Variants in DOCK6 observed in about 807,000 individuals in gnomAD.
DOCK6 encodes dedicator of cytokinesis 6.
Under a neutral mutation model 230.3 loss-of-function variants are expected in DOCK6, and 167 were observed. The observed-to-expected ratio is 0.73, with a 90% CI of 0.64 to 0.82. DOCK6 has a LOEUF of 0.82. Among genes scored for constraint, DOCK6 ranks in the 40% least tolerant of loss-of-function variants. The pLI is 0.00. For missense variants in DOCK6, 2,598 were observed against 2,825.8 expected (o/e 0.92, Z 1.83); for synonymous variants, 1,148 against 1,185.0 (o/e 0.97, Z 0.64).
chr19:11,252,020 C>T, intron 5 of DOCK6, 99 bp downstream of exon 5: 1 of 1,531,696 alleles, frequency 6.5e-7, no homozygotes, highest in Non-Finnish European at 8.8e-7. Flanking sequence ...CTTTTGAGCT[C>T]AAGGCTGTTT....
chr19:11,207,773 A>G (rs766564087), intron 39 of DOCK6, among the ~76,000 whole-genome samples: 2 of 151,752 alleles, frequency 1.3e-5, no homozygotes, highest in African/African-American at 4.8e-5. Context: ...ACAAAAAAAT[A>G]CAAAAAATTA....
intron 9 of DOCK6, 141 bp from the exon 10 acceptor site, chr19:11,244,023 G>T: frequency 1.1e-6 from 1 of 881,900 alleles, no homozygotes; most frequent in African/African-American, 1.7e-5. Context: ...ACCTCCCATG[G>T]CTCCCGCTGT....
In DOCK6 at chr19:11,250,888, G is replaced by A; in HGVS notation, c.706C>T (p.Pro236Ser). The A allele has an allele frequency of 6.2e-7, 1 of 1,600,012 alleles. No individual in the cohort carries two copies. The highest frequency in any genetic ancestry group is 2.2e-5 in the East Asian group (1 of 44,486). ...HRPPALLTLY[P>S]APDEDEAVER... Reference sequence around the variant, plus strand: ...GGGGCACCCACCTCGTCAGGTGCCGGGTAGAGGGTGAGCAGGGCCGGGGGC... The same window carrying A: ...GGGGCACCCACCTCGTCAGGTGCCGAGTAGAGGGTGAGCAGGGCCGGGGGC... The change falls in exon 6 of 48, where the codon CCG (proline) becomes TCG (serine). Residue 236 changes from proline (P) to serine (S), a missense_variant. Transcript: ENST00000294618.
chr19:11,250,470 A>T (rs911306145), intron 6 of DOCK6, among the ~76,000 whole-genome samples: 1 of 151,234 alleles, frequency 6.6e-6, no homozygotes, highest in Non-Finnish European at 1.5e-5. Context: ...ACCTGCCACC[A>T]TGCCTGGCTA....
At chr19:11,225,165 T>G (rs1344888211) in intron 24 of DOCK6, among the ~76,000 whole-genome samples, 1 of 151,224 alleles carries the variant, frequency 6.6e-6, no homozygotes, top group Non-Finnish European at 1.5e-5. Context: ...GAGGCGGAGG[T>G]TGCGGTGAGC....
rs374823640 is a variant in DOCK6, at chr19:11,222,264, A to G, written c.3241-16T>C. 4.8e-5 allele frequency: 77 copies of G among 1,588,356 alleles called. No homozygotes were observed. Among genetic ancestry groups the G allele is most frequent in the Non-Finnish European group, 6.3e-5 (73 of 1,167,512 alleles). On this transcript the variant is annotated splice_polypyrimidine_tract_variant and intron_variant, in intron 26 of 47. Coordinates refer to ENST00000294618, the MANE Select transcript of DOCK6 (RefSeq NM_020812.4). This position sits in a 1 kb window ranked among gnomAD's most constrained non-coding sequence, Gnocchi z 4.0. ...AGGTGGAGCTCTGCAGAGTGGGGGAAAAATGGGGGATGCCAGCGGTCAAGG... is the reference window on the plus strand; with the variant it reads ...AGGTGGAGCTCTGCAGAGTGGGGGAGAAATGGGGGATGCCAGCGGTCAAGG...
intron 37 of DOCK6, 113 bp downstream of exon 37, chr19:11,211,663 C>G: frequency 1.2e-6 from 1 of 828,334 alleles, no homozygotes; most frequent in Non-Finnish European, 1.9e-6. Context: ...CTGTTAGGGA[C>G]TGTATGCTCC....
intron 1 of DOCK6, among the ~76,000 whole-genome samples, chr19:11,256,021 C>T (rs780868206): frequency 3.2e-4 from 48 of 152,060 alleles, no homozygotes; most frequent in Non-Finnish European, 5.9e-4. Context: ...CTCCTGACCT[C>T]AGGTGATCCG....
At position 11,235,748 on chromosome 19, in the gene DOCK6, G is replaced by T. The variant is rs374740106; in HGVS notation, c.2404C>A (p.Arg802Ser). ...IISGQIVNLG[R>S]GAFEAMAHVV... The stretch of plus-strand genomic sequence containing the variant: ...TGGGCCATTGCTTCAAAGGCTCCAC[G>T]GCCCAGGTTCACTGCAGGGCAGAGC... The change falls in exon 21 of 48, where the codon CGT (arginine) becomes AGT (serine). Residue 802 changes from arginine to serine, a missense_variant. Transcript: ENST00000294618. 14 of 1,592,016 alleles carry T rather than the reference G, an allele frequency of 8.8e-6. No homozygotes were observed. Among genetic ancestry groups the T allele is most frequent in the Middle Eastern group, 1.7e-4 (1 of 6,034 alleles).
chr19:11,260,892 A>AAAAAAAAAAGAAAAAAG (rs1423289379), intron 1 of DOCK6, among the ~76,000 whole-genome samples: 11 of 148,598 alleles, frequency 7.4e-5, no homozygotes, highest in African/African-American at 2.5e-4. Flanking sequence ...CAAAAAAAAA[A>AAAAAAAAAAGAAAAAAG]AAAGAAAGAA....
intron 14 of DOCK6, 182 bp from the exon 15 acceptor site, chr19:11,238,486 G>C (rs1374170324): frequency 3.3e-6 from 2 of 606,954 alleles, no homozygotes; most frequent in Non-Finnish European, 5.9e-6. Flanking sequence ...ATAGGACAGA[G>C]GGCAGAGGGT....
intron 6 of DOCK6, among the ~76,000 whole-genome samples, chr19:11,249,287 C>T (rs1381803755): frequency 6.6e-6 from 1 of 151,676 alleles, no homozygotes; most frequent in East Asian, 1.9e-4. Flanking sequence ...CTGAGGCGGG[C>T]AGATCACAAG....
intron 22 of DOCK6, 106 bp from the exon 23 acceptor site, chr19:11,229,141 C>T (rs1159681647): frequency 1.6e-6 from 2 of 1,256,412 alleles, no homozygotes; most frequent in African/African-American, 1.5e-5. Context: ...GGGGTTAGTG[C>T]AGCAGGAGCC....
intron 37 of DOCK6, among the ~76,000 whole-genome samples, chr19:11,209,363 T>TA (rs1179588565): frequency 6.6e-6 from 1 of 151,700 alleles, no homozygotes; most frequent in Non-Finnish European, 1.5e-5. Context: ...CTGCCTACCT[T>TA]ACGTATTCCT....
chr19:11,224,399 C>CA (rs1476327946), intron 24 of DOCK6, among the ~76,000 whole-genome samples: 1 of 151,504 alleles, frequency 6.6e-6, no homozygotes, highest in Non-Finnish European at 1.5e-5. Context: ...TTAGTAGAGA[C>CA]AGGGTTTCAC....
chr19:11,209,193 C>T (rs1172378260), intron 37 of DOCK6, 90 bp from the exon 38 acceptor site: 1 of 1,461,572 alleles, frequency 6.8e-7, no homozygotes, highest in Non-Finnish European at 9.3e-7. Context: ...CACTGGTTAC[C>T]CCCATGTCCG....
Position 11,211,851 on chromosome 19 carries a change from T to C in DOCK6, c.4676A>G (p.His1559Arg). The change falls in exon 37 of 48, where the codon CAC becomes CGC. Residue 1559 changes from histidine (H) to arginine (R), a missense_variant. His to Arg is a conservative substitution (Grantham distance 29). Transcript: ENST00000294618. The stretch of plus-strand genomic sequence containing the variant: ...CTTCACCGTGTCCGTCAGGATCATG[T>C]GCAGGTTGAACATCAGGTCCTGGAC... ...EQVQDLMFNL[H>R]MILTDTVKMK... 2 of 1,552,900 alleles carry C rather than the reference T, an allele frequency of 1.3e-6. No homozygotes were observed. Among genetic ancestry groups the C allele is most frequent in the Non-Finnish European group, 1.7e-6 (2 of 1,147,630 alleles).
At chr19:11,215,747 AC>A in intron 31 of DOCK6, 53 bp downstream of exon 31, 12 of 1,609,884 alleles carry the variant, frequency 7.5e-6, no homozygotes, top group Non-Finnish European at 1.0e-5. Context: ...TCCCCTTGAC[AC>A]AAGGTGGGAG....
At position 11,237,697 on chromosome 19, in the gene DOCK6, G is replaced by C. The variant is rs748140232; in HGVS notation, c.1915C>G (p.His639Asp). Residue 639 changes from histidine to aspartate, a missense_variant, in exon 17 of 48, where the codon CAT becomes GAT. Transcript: ENST00000294618. ...CCCGGCCGGGGCTGGCAGCTGACAT[G>C]GTAGAAGGTGAACAGCAGGTGATGG... The part of the protein sequence containing the change: ...ENHHLLFTFY[H>D]VSCQPRPGTA... The C allele has an allele frequency of 6.9e-6, 11 of 1,593,008 alleles. No homozygotes were observed. The highest frequency in any genetic ancestry group is 1.1e-5 in the South Asian group (1 of 87,580).
Sources: gnomAD v4.1 joint callset for allele counts (sites outside exome capture counted in the v4.1 genomes callset) on GRCh38, gnomAD v4.1.1 for gene constraint, Gnocchi (gnomAD v3.1) non-coding constraint, MANE v1.5 for transcripts, NCBI Gene and HGNC (gene_info 2026-07-23, HGNC 2026-07-21) for gene names.